Variants in SYNE1 observed in about 807,000 individuals in gnomAD.
SYNE1 encodes the protein spectrin repeat containing nuclear envelope protein 1.
Under a neutral mutation model 1,111.0 loss-of-function variants are expected in SYNE1, and 616 were observed. The observed-to-expected ratio is 0.55, with a 90% CI of 0.52 to 0.59. The LOEUF is 0.59. Ranked by LOEUF, SYNE1 falls within the 20% of genes least tolerant of loss-of-function variation. The pLI is 0.00. For synonymous variants in SYNE1, 3,855 were observed against 3,825.8 expected, an observed-to-expected ratio of 1.01 and a Z score of -0.28; for missense variants, 10,006 against 10,417.0, an observed-to-expected ratio of 0.96 and a Z score of 1.72.
chr6:152,145,295 C>A, intron 137 of SYNE1: 1 of 645,240 alleles, frequency 1.5e-6, no homozygotes, highest in Non-Finnish European at 2.8e-6. Flanking sequence ...TACTTTATTT[C>A]GCTCAATTAG....
At chr6:152,613,944 T>G (rs2099639023) in intron 3 of SYNE1, among the ~76,000 whole-genome samples, 1 of 152,212 alleles carries the variant, frequency 6.6e-6, no homozygotes, top group South Asian at 2.1e-4. Context: ...GATAGAAAGC[T>G]GAAACTGGAT....
intron 107 of SYNE1, 99 bp downstream of exon 107, chr6:152,242,140 TA>T (rs1562445298): frequency 8.3e-7 from 1 of 1,205,198 alleles, no homozygotes. Flanking sequence ...TAAGAACTCA[TA>T]AAAGACTGAG....
intron 3 of SYNE1, among the ~76,000 whole-genome samples, chr6:152,607,471 C>T (rs1365691391): frequency 6.6e-6 from 1 of 151,494 alleles, no homozygotes; most frequent in Non-Finnish European, 1.5e-5. Context: ...TAGAGAAATG[C>T]AAATCAAAAA....
At chr6:152,265,207 G>GGA (rs2092563219) in intron 100 of SYNE1, among the ~76,000 whole-genome samples, 2 of 87,916 alleles carry the variant, frequency 2.3e-5, no homozygotes, top group Non-Finnish European at 2.1e-5. Context: ...CTCTGTCTCA[G>GGA]AAAAAAAAAA....
chr6:152,531,673 C>T (rs1368866231), intron 4 of SYNE1, among the ~76,000 whole-genome samples: 1 of 152,192 alleles, frequency 6.6e-6, no homozygotes, highest in African/African-American at 2.4e-5. Context: ...CCTTCAGCCT[C>T]TACCATTCTA....
intron 39 of SYNE1, among the ~76,000 whole-genome samples, chr6:152,422,555 T>G (rs911239326): frequency 1.3e-5 from 2 of 152,178 alleles, no homozygotes; most frequent in Non-Finnish European, 1.5e-5. Flanking sequence ...CAGGCTTCAG[T>G]GCAGTGCTGT....
At chr6:152,205,875 C>T (rs1368239959) in intron 126 of SYNE1, among the ~76,000 whole-genome samples, 1 of 152,142 alleles carries the variant, frequency 6.6e-6, no homozygotes, top group Non-Finnish European at 1.5e-5. Flanking sequence ...TTTATAAAGT[C>T]ATCACATGGC....
chr6:152,534,724 C>A (rs999981506), intron 4 of SYNE1, among the ~76,000 whole-genome samples: 1 of 152,118 alleles, frequency 6.6e-6, no homozygotes, highest in East Asian at 1.9e-4. Context: ...TACAAGGAAA[C>A]AGATGGGAGT....
intron 102 of SYNE1, 144 bp from the exon 103 acceptor site, chr6:152,255,890 G>T: frequency 1.0e-6 from 1 of 993,580 alleles, no homozygotes; most frequent in Non-Finnish European, 1.6e-6. Flanking sequence ...TTGAGGTCAG[G>T]AGTTCAAGAC....
intron 51 of SYNE1, among the ~76,000 whole-genome samples, chr6:152,394,860 A>C (rs1389631338): frequency 7.3e-6 from 1 of 136,974 alleles, no homozygotes; most frequent in Admixed American, 7.9e-5. Flanking sequence ...ATCTCGGCTC[A>C]CTGCAACCTT....
At chr6:152,332,674 A>G (rs1374466956) in intron 77 of SYNE1, among the ~76,000 whole-genome samples, 1 of 152,224 alleles carries the variant, frequency 6.6e-6, no homozygotes, top group Non-Finnish European at 1.5e-5. Context: ...AGGTAGTACA[A>G]TCTGTAAGGT....
chr6:152,342,090 C>T (rs1453965339), intron 74 of SYNE1, among the ~76,000 whole-genome samples: 2 of 152,174 alleles, frequency 1.3e-5, no homozygotes, highest in Non-Finnish European at 2.9e-5. Context: ...CTTCCAAAGA[C>T]CATTTTGAGA....
At chr6:152,353,126 T>G in intron 69 of SYNE1, 137 bp downstream of exon 69, 2 of 1,204,248 alleles carry the variant, frequency 1.7e-6, no homozygotes, top group Non-Finnish European at 2.4e-6. Context: ...ACTTAGTATT[T>G]CAAGTAAAAT....
chr6:152,347,478 A>G (rs1042274542), intron 72 of SYNE1, among the ~76,000 whole-genome samples: 2 of 152,198 alleles, frequency 1.3e-5, no homozygotes, highest in African/African-American at 4.8e-5. Context: ...CTTTAACACT[A>G]GAATGTGTTC....
chr6:152,608,605 C>T (rs776911812), intron 3 of SYNE1, among the ~76,000 whole-genome samples: 3 of 152,108 alleles, frequency 2.0e-5, no homozygotes, highest in African/African-American at 4.8e-5. Context: ...ACTTTGTACC[C>T]GTCAATCTTT....
chr6:152,203,834 G>GA (rs140580912), intron 126 of SYNE1, among the ~76,000 whole-genome samples: 8,887 of 150,470 alleles, frequency 0.059, 736 homozygotes, highest in African/African-American at 0.19. Context: ...CCAATTACCA[G>GA]AAAAAAAAAT....
At chr6:152,246,886 T>G (rs879408198) in intron 105 of SYNE1, among the ~76,000 whole-genome samples, 2 of 152,166 alleles carry the variant, frequency 1.3e-5, no homozygotes, top group African/African-American at 2.4e-5. Flanking sequence ...GAATTCATAT[T>G]CAACAAATGA....
At chr6:152,548,717 C>T (rs1183423133) in intron 3 of SYNE1, among the ~76,000 whole-genome samples, 1 of 152,136 alleles carries the variant, frequency 6.6e-6, no homozygotes, top group South Asian at 2.1e-4. Context: ...ACAGTAGTGA[C>T]CAGAGGACAG....
intron 64 of SYNE1, among the ~76,000 whole-genome samples, chr6:152,360,166 C>A (rs750185506): frequency 1.3e-5 from 2 of 152,276 alleles, no homozygotes; most frequent in Non-Finnish European, 2.9e-5. Context: ...CCTGGATTAT[C>A]GTCCCAATGC....
Sources: gnomAD v4.1 joint callset for allele counts (sites outside exome capture counted in the v4.1 genomes callset) on GRCh38, gnomAD v4.1.1 for gene constraint, MANE v1.5 for transcripts, NCBI Gene and HGNC (gene_info 2026-07-23, HGNC 2026-07-21) for gene names.